Variants in IMPG2 observed in about 807,000 individuals in gnomAD.
IMPG2 encodes IPM 200.
IMPG2 carries 91 observed loss-of-function variants against 129.2 expected under a neutral mutation model. That is an observed-to-expected ratio of 0.70 (90% CI 0.59 to 0.84). IMPG2 has a LOEUF of 0.84. Among genes scored for constraint, IMPG2 ranks in the 40% least tolerant of loss-of-function variants. The pLI is 0.00. For missense variants in IMPG2, 1,430 were observed against 1,461.7 expected, an observed-to-expected ratio of 0.98 and a Z score of 0.35; for synonymous variants, 510 against 517.7, an observed-to-expected ratio of 0.99 and a Z score of 0.20.
At chr3:101,227,811 G>T (rs1262077428) in intron 18 of IMPG2, 1 of 456,230 alleles carries the variant, frequency 2.2e-6, no homozygotes, top group East Asian at 6.9e-5. Context: ...AGTTTCCTCA[G>T]TTATCAGTTT....
At chr3:101,280,858 A>G (rs1419755583) in intron 4 of IMPG2, among the ~76,000 whole-genome samples, 1 of 151,976 alleles carries the variant, frequency 6.6e-6, no homozygotes, top group Non-Finnish European at 1.5e-5. Flanking sequence ...CTGAGGCAGG[A>G]GAATCGCTTG....
At chr3:101,311,602 A>T (rs1342255880) in intron 2 of IMPG2, among the ~76,000 whole-genome samples, 2 of 152,208 alleles carry the variant, frequency 1.3e-5, no homozygotes, top group Non-Finnish European at 2.9e-5. Flanking sequence ...ATATTTATAG[A>T]CTGGAACATT....
At chr3:101,273,340 G>A (rs1706807515) in intron 7 of IMPG2, among the ~76,000 whole-genome samples, 1 of 152,146 alleles carries the variant, frequency 6.6e-6, no homozygotes. Context: ...TCTTGGCTGT[G>A]CAGCAAAAGT....
chr3:101,249,149 G>A (rs1056076124), intron 11 of IMPG2, among the ~76,000 whole-genome samples: 7 of 152,144 alleles, frequency 4.6e-5, no homozygotes, highest in Non-Finnish European at 8.8e-5. Context: ...GATGGTAGTG[G>A]CAATTGCTTC....
chr3:101,253,678 T>A lies in IMPG2; in HGVS notation c.1239+18A>T. The A allele has an allele frequency of 6.3e-7, 1 of 1,582,774 alleles. No homozygotes were observed. Among genetic ancestry groups the A allele is most frequent in the East Asian group, 2.2e-5 (1 of 44,694 alleles). ...GAAGCTTGAGGGCCTGGTTCTAGCA[T>A]AAAACATAAAAACATACCAGAATAG... is the stretch of plus-strand genomic sequence containing the variant. On this transcript the variant is annotated intron_variant, in intron 11 of 18. Coordinates refer to ENST00000193391, the MANE Select transcript of IMPG2 (RefSeq NM_016247.4).
intron 3 of IMPG2, among the ~76,000 whole-genome samples, chr3:101,301,790 C>G (rs937908750): frequency 6.6e-6 from 1 of 152,168 alleles, no homozygotes; most frequent in Non-Finnish European, 1.5e-5. Context: ...GCCTGGAGTA[C>G]TGATGCAACA....
At position 101,283,334 on chromosome 3, in the gene IMPG2, CT is replaced by C. The variant is rs549004251; in HGVS notation, c.534-6622del. Reference sequence around the variant, plus strand: ...AGCCACCATGCCAGCCACTAGTTTCCTTTTTTTAAAAAATGTATTGTTGACA... The same window carrying C: ...AGCCACCATGCCAGCCACTAGTTTCCTTTTTTAAAAAATGTATTGTTGACA... On this transcript the variant is annotated intron_variant, in intron 4 of 18. Coordinates refer to ENST00000193391, the MANE Select transcript of IMPG2 (RefSeq NM_016247.4). Among the ~76,000 whole-genome samples the C allele has an allele frequency of 3.0e-3, 451 of 152,052 alleles. 1 individual carries two copies. The highest frequency in any genetic ancestry group is 0.01 in the African/African-American group (423 of 41,512).
chr3:101,290,740 C>G (rs1356087167), intron 4 of IMPG2, among the ~76,000 whole-genome samples: 2 of 152,138 alleles, frequency 1.3e-5, no homozygotes. Flanking sequence ...TTTGCCCTGA[C>G]TCTGATGCCC....
At chr3:101,293,065 A>G (rs1488071916) in intron 3 of IMPG2, among the ~76,000 whole-genome samples, 1 of 152,174 alleles carries the variant, frequency 6.6e-6, no homozygotes, top group Non-Finnish European at 1.5e-5. Context: ...GTCGGAATCA[A>G]CGTCTTCCAA....
At position 101,257,747 on chromosome 3, in the gene IMPG2, G is replaced by A; in HGVS notation, c.935C>T (p.Thr312Ile). The part of the protein sequence containing the change: ...DSGVDVYYAV[T>I]FNGEAISNTT... ...ATTGCTGATGGCCTCACCATTGAAG[G>A]TAACTGCATAGTAAACATCTACGCC... is the stretch of plus-strand genomic sequence containing the variant. The change falls in exon 10 of 19, where the codon ACC (threonine) becomes ATC (isoleucine). Residue 312 changes from threonine (T) to isoleucine (I), a missense_variant. By Grantham distance (89) the Thr-to-Ile change is moderately conservative. Coordinates refer to ENST00000193391, the MANE Select transcript of IMPG2 (RefSeq NM_016247.4). 1 of 1,613,240 alleles carries A rather than the reference G, an allele frequency of 6.2e-7. No homozygotes were observed. Among genetic ancestry groups the A allele is most frequent in the Non-Finnish European group, 8.5e-7 (1 of 1,179,438 alleles).
In IMPG2 at chr3:101,267,493, G is replaced by A. The variant is rs749812968; in HGVS notation, c.908+18C>T. The A allele has an allele frequency of 1.2e-6, 2 of 1,608,064 alleles. No individual in the cohort carries two copies. The highest frequency in any genetic ancestry group is 1.7e-6 in the Non-Finnish European group (2 of 1,174,816). ...GTCTCCCAATTCAATGGACATTAGA[G>A]AAAGTGCCAAAAAGTACCTGTCATT... On this transcript the variant is annotated intron_variant, in intron 9 of 18. Coordinates refer to ENST00000193391, the MANE Select transcript of IMPG2 (RefSeq NM_016247.4).
intron 3 of IMPG2, among the ~76,000 whole-genome samples, chr3:101,293,676 A>G (rs997135044): frequency 5.9e-5 from 9 of 152,260 alleles, no homozygotes; most frequent in African/African-American, 1.7e-4. Flanking sequence ...TCTAGATGGC[A>G]TCTTTGTCCA....
At position 101,223,959 on chromosome 3, in the gene IMPG2, T is replaced by C. The variant is rs1706193308; in HGVS notation, c.*3010A>G. On this transcript the variant is annotated 3_prime_UTR_variant, in exon 19 of 19. Transcript: ENST00000193391. ...TTTGAGACCAGGCTGGCCAACATGG[T>C]GACGGTGAAACCCCATCTCTACTAA... The C allele has an allele frequency of 6.6e-6, 1 of 152,132 alleles. No homozygotes were observed. Among genetic ancestry groups the C allele is most frequent in the Admixed American group, 6.6e-5 (1 of 15,264 alleles). The allele number at this position is 152,132 out of a possible 1,614,324, so 9.4% of individuals were successfully genotyped here. A position where few individuals can be genotyped will look rare whatever the true frequency, so the allele number is the denominator to read the frequency against.
chr3:101,226,968 G>C lies in IMPG2; in HGVS notation c.*1C>G, dbSNP rs369517701. 66 of 1,613,284 alleles carry C rather than the reference G, an allele frequency of 4.1e-5. No individual in the cohort carries two copies. The highest frequency in any genetic ancestry group is 5.3e-5 in the Non-Finnish European group (63 of 1,179,680). On this transcript the variant is annotated 3_prime_UTR_variant, in exon 19 of 19. Coordinates refer to ENST00000193391, the MANE Select transcript of IMPG2 (RefSeq NM_016247.4). ...AATCAGTTTCAGAACAGGAGTTTTG[G>C]TTAAACCTCTTCCCTGCCATGAAAA... is the stretch of plus-strand genomic sequence containing the variant.
At chr3:101,298,381 AT>A (rs1317832986) in intron 3 of IMPG2, among the ~76,000 whole-genome samples, 4 of 152,166 alleles carry the variant, frequency 2.6e-5, no homozygotes, top group African/African-American at 9.7e-5. Flanking sequence ...TAATTAGGGC[AT>A]TTAGCCCATT....
chr3:101,293,788 C>A (rs1340722355), intron 3 of IMPG2, among the ~76,000 whole-genome samples: 3 of 152,214 alleles, frequency 2.0e-5, no homozygotes, highest in Non-Finnish European at 2.9e-5. Context: ...ACAGCTTCTG[C>A]ATCAGCACTT....
intron 14 of IMPG2, among the ~76,000 whole-genome samples, chr3:101,237,014 G>T (rs761662982): frequency 6.6e-6 from 1 of 152,168 alleles, no homozygotes. Context: ...AACCTGGGGC[G>T]CTCGAGCTTG....
rs2107205746 is a variant in IMPG2 at position 101,230,994 on chromosome 3, C to T, written c.3385G>A (p.Ala1129Thr). The T allele has an allele frequency of 6.2e-7, 1 of 1,613,844 alleles. No individual in the cohort carries two copies. Among genetic ancestry groups the T allele is most frequent in the Non-Finnish European group, 8.5e-7 (1 of 1,179,790 alleles). Residue 1129 changes from alanine to threonine, a missense_variant, in exon 16 of 19, where the codon GCA becomes ACA. Coordinates refer to ENST00000193391, the MANE Select transcript of IMPG2 (RefSeq NM_016247.4). ...TCTCTTTCACTCCTGTCATGGTGTG[C>T]TTGGAGAGTCCTGATGAAGAAGTAG... ...IIYFFIRTLQ[A>T]HHDRSERESP...
intron 12 of IMPG2, among the ~76,000 whole-genome samples, chr3:101,245,329 C>G (rs76525335): frequency 3.9e-5 from 6 of 152,206 alleles, no homozygotes; most frequent in Non-Finnish European, 8.8e-5. Context: ...TTATCTATTT[C>G]ATTTTCACTT....
Sources: allele counts gnomAD v4.1 joint callset (sites outside exome capture counted in the v4.1 genomes callset), GRCh38; gene constraint gnomAD v4.1.1; transcripts MANE v1.5; gene names NCBI Gene and HGNC (gene_info 2026-07-23, HGNC 2026-07-21).